Variants in AUTS2 observed in about 807,000 individuals in gnomAD.
AUTS2 encodes the protein activator of transcription and developmental regulator AUTS2.
A neutral mutation model predicts 112.4 loss-of-function variants in AUTS2; 17 were observed. That is an observed-to-expected ratio of 0.15 (90% CI 0.10 to 0.23). The LOEUF (loss-of-function observed/expected upper bound fraction) is 0.23. AUTS2 is among the 10% of genes least tolerant of loss of function. The pLI is 1.00. For missense variants in AUTS2, 1,510 were observed against 1,701.6 expected, an observed-to-expected ratio of 0.89 and a Z score of 1.98; for synonymous variants, 751 against 702.7, an observed-to-expected ratio of 1.07 and a Z score of -1.09.
chr7:70,178,846 A>G (rs1809146034), intron 4 of AUTS2, among the ~76,000 whole-genome samples: 1 of 152,144 alleles, frequency 6.6e-6, no homozygotes, highest in South Asian at 2.1e-4. Context: ...ATGAATCTCC[A>G]TTGTTATATG....
At position 70,766,277 on chromosome 7, in the gene AUTS2, G is replaced by T. The variant is rs41272930; in HGVS notation, c.1632G>T (p.Thr544=). The T allele has an allele frequency of 6.2e-7, 1 of 1,613,914 alleles. No individual in the cohort carries two copies. The highest frequency in any genetic ancestry group is 1.3e-5 in the African/African-American group (1 of 74,886). ...AGCACACGCACCAGCACACCTTCACGCCGTTCCCCCACGCCATCCCACCCA... is the reference window on the plus strand; with the variant it reads ...AGCACACGCACCAGCACACCTTCACTCCGTTCCCCCACGCCATCCCACCCA... ...THQHTHQHTF[T]PFPHAIPPTA... Residue 544 remains threonine, a synonymous_variant, in exon 9 of 19, where the codon ACG becomes ACT. Coordinates refer to ENST00000342771, the MANE Select transcript of AUTS2 (RefSeq NM_015570.4). The surrounding 1 kb of genome is among the most constrained non-coding windows in gnomAD (Gnocchi z 4.8).
chr7:70,125,498 C>T (rs1805922398), intron 3 of AUTS2, among the ~76,000 whole-genome samples: 1 of 152,110 alleles, frequency 6.6e-6, no homozygotes, highest in African/African-American at 2.4e-5. Flanking sequence ...TTTTCCTCGC[C>T]TTGGGTATTT....
chr7:70,167,921 A>G (rs1242836218), intron 4 of AUTS2, among the ~76,000 whole-genome samples: 1 of 152,248 alleles, frequency 6.6e-6, no homozygotes, highest in African/African-American at 2.4e-5. Context: ...GCACATGTGT[A>G]TATAATTGAT....
intron 2 of AUTS2, among the ~76,000 whole-genome samples, chr7:69,999,093 A>T (rs959573703): frequency 6.6e-6 from 1 of 152,186 alleles, no homozygotes; most frequent in African/African-American, 2.4e-5. Flanking sequence ...ACAAATGAGG[A>T]TAAAGTTTAT....
At chr7:70,515,136 G>A (rs1283811699) in intron 5 of AUTS2, among the ~76,000 whole-genome samples, 4 of 152,146 alleles carry the variant, frequency 2.6e-5, no homozygotes, top group Non-Finnish European at 5.9e-5. Context: ...AGTCATGCAG[G>A]TGATGCTCAG....
intron 4 of AUTS2, among the ~76,000 whole-genome samples, chr7:70,412,877 G>A (rs2130494328): frequency 6.6e-6 from 1 of 152,322 alleles, no homozygotes; most frequent in East Asian, 1.9e-4. Context: ...TGTAATCCCA[G>A]CTATTCGGGA....
At chr7:69,883,885 C>A (rs1794162575) in intron 1 of AUTS2, among the ~76,000 whole-genome samples, 1 of 152,162 alleles carries the variant, frequency 6.6e-6, no homozygotes, top group Non-Finnish European at 1.5e-5. Flanking sequence ...TACGCGTTTG[C>A]CAGTTTGTTT....
At chr7:69,689,661 T>TTTAA (rs1204438426) in intron 1 of AUTS2, among the ~76,000 whole-genome samples, 15 of 73,084 alleles carry the variant, frequency 2.1e-4, no homozygotes, top group East Asian at 1.3e-3. Flanking sequence ...TATTTATTTA[T>TTTAA]TTATTTATTT....
intron 5 of AUTS2, among the ~76,000 whole-genome samples, chr7:70,439,935 A>G (rs955479225): frequency 6.6e-6 from 1 of 152,178 alleles, no homozygotes; most frequent in African/African-American, 2.4e-5. Context: ...GAAGGCATAT[A>G]GCCCAGTGGC....
chr7:70,578,510 C>T (rs1254703671), intron 5 of AUTS2, among the ~76,000 whole-genome samples: 1 of 152,206 alleles, frequency 6.6e-6, no homozygotes, highest in Non-Finnish European at 1.5e-5. Flanking sequence ...TCTTTGTAAC[C>T]CCATCTTGCT....
chr7:69,833,518 C>T (rs2129527734), intron 1 of AUTS2, among the ~76,000 whole-genome samples: 1 of 152,180 alleles, frequency 6.6e-6, no homozygotes, highest in Non-Finnish European at 1.5e-5. Context: ...TCACTGCAAC[C>T]TCGTCTCCTG....
At chr7:69,856,693 C>T (rs1406620652) in intron 1 of AUTS2, among the ~76,000 whole-genome samples, 1 of 152,184 alleles carries the variant, frequency 6.6e-6, no homozygotes, top group African/African-American at 2.4e-5. Context: ...CACACCTACT[C>T]ACTTAAGAAA....
chr7:70,464,409 A>G (rs1286558178), intron 5 of AUTS2, among the ~76,000 whole-genome samples: 1 of 152,240 alleles, frequency 6.6e-6, no homozygotes, highest in East Asian at 1.9e-4. Flanking sequence ...CACTTGCTAT[A>G]TGCCAGATAC....
Position 69,731,322 on chromosome 7 carries a change from C to T in AUTS2, c.309+131360C>T, listed in dbSNP as rs186084858. Among the ~76,000 whole-genome samples the T allele has an allele frequency of 1.0e-3, 158 of 152,128 alleles. 1 individual carries two copies. The East Asian group carries it at 0.01, about 10-fold the overall frequency. On this transcript the variant is annotated intron_variant, in intron 1 of 18. Coordinates refer to ENST00000342771, the MANE Select transcript of AUTS2 (RefSeq NM_015570.4). ...CAAAACAAAACAAATAAACAAAAAA[C>T]GTGGGCTTTGACAGAGAGACTTGTT...
chr7:70,438,583 A>G (rs1795991775), intron 5 of AUTS2, among the ~76,000 whole-genome samples: 1 of 152,154 alleles, frequency 6.6e-6, no homozygotes, highest in East Asian at 1.9e-4. Context: ...GCCCTGTTGC[A>G]GTTAAGACTG....
intron 4 of AUTS2, among the ~76,000 whole-genome samples, chr7:70,214,805 T>G (rs964163961): frequency 6.6e-6 from 1 of 152,242 alleles, no homozygotes; most frequent in African/African-American, 2.4e-5. Flanking sequence ...CTTATTACTT[T>G]ATGGGTTTAT....
intron 4 of AUTS2, among the ~76,000 whole-genome samples, chr7:70,273,302 T>A (rs1787778021): frequency 6.6e-6 from 1 of 152,168 alleles, no homozygotes; most frequent in South Asian, 2.1e-4. Flanking sequence ...CCTCAGCCAC[T>A]GTGCCTGGCC....
intron 2 of AUTS2, among the ~76,000 whole-genome samples, chr7:69,904,809 A>G (rs1006638562): frequency 7.9e-5 from 12 of 152,298 alleles, no homozygotes; most frequent in African/African-American, 2.9e-4. Flanking sequence ...CCCCTTGCCT[A>G]AAGTATAGAA....
intron 5 of AUTS2, among the ~76,000 whole-genome samples, chr7:70,500,851 T>C (rs1286567725): frequency 1.3e-5 from 2 of 152,008 alleles, no homozygotes; most frequent in Non-Finnish European, 2.9e-5. Context: ...CCTCCTCGAG[T>C]AGCTGGGATT....
Sources: allele counts gnomAD v4.1 joint callset (sites outside exome capture counted in the v4.1 genomes callset), GRCh38; gene constraint gnomAD v4.1.1; non-coding constraint Gnocchi (gnomAD v3.1); transcripts MANE v1.5; gene names NCBI Gene and HGNC (gene_info 2026-07-23, HGNC 2026-07-21).